PRKACB: variants seen among roughly 807,000 people sequenced by gnomAD.
PRKACB encodes the protein cAMP-dependent protein kinase catalytic subunit beta.
In PRKACB, 16 loss-of-function variants were observed where a neutral mutation model predicts 51.4. The observed-to-expected ratio is 0.31, with a 90% confidence interval of 0.21 to 0.47. The LOEUF (loss-of-function observed/expected upper bound fraction) is 0.47, where lower values mean the gene tolerates loss of function less well. PRKACB is among the 20% of genes least tolerant of loss of function. The probability of loss-of-function intolerance (pLI) is 1.00; values close to 1 mark genes in which losing one functional copy is unlikely to be tolerated. For synonymous variants in PRKACB, 147 were observed against 154.4 expected, an observed-to-expected ratio of 0.95 and a Z score of 0.35; for missense variants, 309 against 464.5, an observed-to-expected ratio of 0.67 and a Z score of 3.08.
chr1:84,207,408 A>C (rs1302263169), intron 8 of PRKACB, among the ~76,000 whole-genome samples: 1 of 152,204 alleles, frequency 6.6e-6, no homozygotes, highest in Non-Finnish European at 1.5e-5. Context: ...CTGATTAAAG[A>C]TGCCCAGGTC....
chr1:84,162,891 A>G (rs969746831), intron 1 of PRKACB, among the ~76,000 whole-genome samples: 1 of 151,990 alleles, frequency 6.6e-6, no homozygotes, highest in African/African-American at 2.4e-5. Context: ...AACATGTGGT[A>G]GTAGCTCTGG....
At chr1:84,146,864 T>C (rs1654164118) in intron 1 of PRKACB, among the ~76,000 whole-genome samples, 1 of 152,030 alleles carries the variant, frequency 6.6e-6, no homozygotes, top group South Asian at 2.1e-4. Flanking sequence ...CATCTTTTAC[T>C]ATTAAACTAA....
chr1:84,130,744 A>T (rs1258177976), intron 1 of PRKACB, among the ~76,000 whole-genome samples: 1 of 152,256 alleles, frequency 6.6e-6, no homozygotes, highest in Non-Finnish European at 1.5e-5. Context: ...GAGATAATTC[A>T]TCAACAGCAA....
intron 1 of PRKACB, among the ~76,000 whole-genome samples, chr1:84,147,905 A>G (rs7530485): frequency 0.011 from 1,702 of 152,252 alleles, 42 homozygotes; most frequent in African/African-American, 0.039. Context: ...ACTACGCTGT[A>G]TTAGTGGGGA....
intron 9 of PRKACB, among the ~76,000 whole-genome samples, chr1:84,232,016 G>T (rs11487941): frequency 1.3e-5 from 2 of 150,858 alleles, no homozygotes; most frequent in East Asian, 3.9e-4. Flanking sequence ...TGATGTTAGG[G>T]TGTCAATTTT....
At chr1:84,159,974 G>C (rs1655983723) in intron 1 of PRKACB, among the ~76,000 whole-genome samples, 1 of 152,186 alleles carries the variant, frequency 6.6e-6, no homozygotes, top group South Asian at 2.1e-4. Context: ...GCTAGATTAA[G>C]TTTGCTGGCA....
chr1:84,109,375 TCAA>T (rs902216107), intron 1 of PRKACB, among the ~76,000 whole-genome samples: 2 of 151,990 alleles, frequency 1.3e-5, no homozygotes, highest in African/African-American at 4.8e-5. Flanking sequence ...CACATTCTCA[TCAA>T]CTTTTGGTTT....
chr1:84,224,762 A>AC (rs1674298255), intron 9 of PRKACB, among the ~76,000 whole-genome samples: 1 of 151,978 alleles, frequency 6.6e-6, no homozygotes, highest in Admixed American at 6.6e-5. Flanking sequence ...CTGTTGTTAG[A>AC]CCCCCTGATG....
At chr1:84,114,573 A>G (rs778837469) in intron 1 of PRKACB, among the ~76,000 whole-genome samples, 28 of 152,126 alleles carry the variant, frequency 1.8e-4, no homozygotes, top group Non-Finnish European at 3.7e-4. Context: ...CAAGTACAAT[A>G]TACTTTTGCT....
chr1:84,141,672 A>G (rs1653432446), upstream of PRKACB, among the ~76,000 whole-genome samples: 1 of 152,144 alleles, frequency 6.6e-6, no homozygotes, highest in Non-Finnish European at 1.5e-5. Context: ...TTAGTGTTCT[A>G]GTTAGGAATC....
chr1:84,106,089 A>G (rs1649723608), intron 1 of PRKACB, among the ~76,000 whole-genome samples: 1 of 152,202 alleles, frequency 6.6e-6, no homozygotes, highest in Admixed American at 6.5e-5. Context: ...CATAGGCTAT[A>G]TACAAATACT....
At chr1:84,203,230 T>C (rs1006408446) in intron 8 of PRKACB, among the ~76,000 whole-genome samples, 17 of 152,018 alleles carry the variant, frequency 1.1e-4, no homozygotes, top group African/African-American at 4.1e-4. Flanking sequence ...TAAAAGTAAA[T>C]ATAAAATGAA....
intron 1 of PRKACB, among the ~76,000 whole-genome samples, chr1:84,120,493 A>G (rs1234825110): frequency 6.6e-6 from 1 of 152,090 alleles, no homozygotes; most frequent in South Asian, 2.1e-4. Flanking sequence ...ATACTGTATC[A>G]ATATTTTTGA....
chr1:84,186,516 G>C (rs977977565), intron 5 of PRKACB, among the ~76,000 whole-genome samples: 12 of 152,090 alleles, frequency 7.9e-5, no homozygotes, highest in Admixed American at 1.3e-4. Flanking sequence ...ACCACACCTG[G>C]CCTTAATTCT....
At chr1:84,213,307 G>C (rs1324509539) in intron 8 of PRKACB, among the ~76,000 whole-genome samples, 1 of 152,114 alleles carries the variant, frequency 6.6e-6, no homozygotes, top group African/African-American at 2.4e-5. Context: ...TCATCCTTTG[G>C]TGGTACCCAT....
At chr1:84,234,750 G>A (rs967508984) in intron 9 of PRKACB, among the ~76,000 whole-genome samples, 13 of 152,214 alleles carry the variant, frequency 8.5e-5, no homozygotes, top group African/African-American at 3.1e-4. Context: ...CCTGAGTGAG[G>A]CAATGCCTTG....
chr1:84,079,955 C>A (rs183265199), intron 1 of PRKACB, among the ~76,000 whole-genome samples: 1 of 152,148 alleles, frequency 6.6e-6, no homozygotes, highest in Non-Finnish European at 1.5e-5. Flanking sequence ...CGTGAGCTAC[C>A]GTGCGTGACC....
chr1:84,149,626 T>A (rs1467413448), intron 1 of PRKACB, among the ~76,000 whole-genome samples: 1 of 152,222 alleles, frequency 6.6e-6, no homozygotes, highest in African/African-American at 2.4e-5. Context: ...TAAAGAGTTG[T>A]TCTACAATAC....
At chr1:84,199,322 G>T (rs981797842) in intron 7 of PRKACB, among the ~76,000 whole-genome samples, 1 of 151,802 alleles carries the variant, frequency 6.6e-6, no homozygotes, top group African/African-American at 2.4e-5. Flanking sequence ...CCCTCAAGTA[G>T]AATCCAGTAT....
Sources: allele counts gnomAD v4.1 joint callset (sites outside exome capture counted in the v4.1 genomes callset), GRCh38; gene constraint gnomAD v4.1.1; transcripts MANE v1.5; gene names NCBI Gene and HGNC (gene_info 2026-07-23, HGNC 2026-07-21).